Variants in BCAR3 observed in about 807,000 individuals in gnomAD.
The protein encoded by BCAR3 is BCAR3 adaptor protein, NSP family member, also known as breast cancer anti-estrogen resistance protein 3.
BCAR3 carries 37 observed loss-of-function variants against 80.1 expected under a neutral mutation model. The observed-to-expected ratio is 0.46, with a 90% CI of 0.36 to 0.61. The LOEUF (loss-of-function observed/expected upper bound fraction) is 0.61, where lower values mean the gene tolerates loss of function less well. Ranked by LOEUF, BCAR3 falls within the 20% of genes least tolerant of loss-of-function variation. The probability of loss-of-function intolerance (pLI) is 0.00; values close to 1 mark genes in which losing one functional copy is unlikely to be tolerated. For missense variants in BCAR3, 978 were observed against 1,068.2 expected, an observed-to-expected ratio of 0.92 and a Z score of 1.18; for synonymous variants, 389 against 418.9, an observed-to-expected ratio of 0.93 and a Z score of 0.87.
intron 2 of BCAR3, among the ~76,000 whole-genome samples, chr1:93,803,517 T>A (rs542258550): frequency 6.6e-6 from 1 of 151,960 alleles, no homozygotes; most frequent in African/African-American, 2.4e-5. Flanking sequence ...AAGAGAGAGG[T>A]CCAGATTCCA....
upstream of BCAR3, among the ~76,000 whole-genome samples, chr1:93,683,037 C>G (rs1301681716): frequency 6.6e-6 from 1 of 152,126 alleles, no homozygotes. Flanking sequence ...TGAAAAGACA[C>G]CACGAGTGAA....
At chr1:93,701,236 C>A (rs1476661860) in intron 3 of BCAR3, among the ~76,000 whole-genome samples, 1 of 152,208 alleles carries the variant, frequency 6.6e-6, no homozygotes, top group East Asian at 1.9e-4. Flanking sequence ...CGTGAGGTCC[C>A]CACTTGCCTT....
At chr1:93,786,509 C>T (rs556668142) in intron 2 of BCAR3, among the ~76,000 whole-genome samples, 2 of 152,294 alleles carry the variant, frequency 1.3e-5, no homozygotes, top group South Asian at 4.1e-4. Context: ...GCCTAAATTA[C>T]AGATTCATAA....
intron 2 of BCAR3, among the ~76,000 whole-genome samples, chr1:93,647,718 C>A (rs902798139): frequency 6.6e-6 from 1 of 152,046 alleles, no homozygotes; most frequent in African/African-American, 2.4e-5. Flanking sequence ...ATAAGGTAGC[C>A]CCAAACAATG....
At chr1:93,671,450 A>G (rs1413316327) in intron 2 of BCAR3, among the ~76,000 whole-genome samples, 3 of 152,204 alleles carry the variant, frequency 2.0e-5, no homozygotes, top group Non-Finnish European at 4.4e-5. Context: ...GCGGCCCACT[A>G]TCTTCATGCC....
At position 93,582,486 on chromosome 1, in the gene BCAR3, T is replaced by C; in HGVS notation, c.1501A>G (p.Lys501Glu). 1.2e-6 allele frequency: 2 copies of C among 1,614,162 alleles called. No individual in the cohort carries two copies. Among genetic ancestry groups the C allele is most frequent in the African/African-American group, 1.3e-5 (1 of 75,042 alleles). ...AGGAGGGGCGTCACAAACTCGCCCT[T>C]GTCCCACTGCCCCTTCTCCATCTGA... ...AAQMEKGQWD[K>E]GEFVTPLLET... Residue 501 changes from lysine (K) to glutamate (E), a missense_variant, in exon 7 of 12, where the codon AAG (lysine) becomes GAG (glutamate). By Grantham distance (56) the Lys-to-Glu change is moderately conservative. Transcript: ENST00000260502.
intron 2 of BCAR3, among the ~76,000 whole-genome samples, chr1:93,717,846 A>G (rs1216351031): frequency 1.3e-5 from 2 of 152,116 alleles, no homozygotes. Flanking sequence ...AAATTGCGTA[A>G]GAGTCTGAGA....
intron 2 of BCAR3, among the ~76,000 whole-genome samples, chr1:93,672,405 A>G (rs1266814748): frequency 1.3e-5 from 2 of 151,788 alleles, no homozygotes; most frequent in East Asian, 3.9e-4. Flanking sequence ...GAGTAAGTCT[A>G]TAAACTGTCT....
chr1:93,616,268 A>G (rs1325641061), intron 3 of BCAR3, among the ~76,000 whole-genome samples: 20 of 152,176 alleles, frequency 1.3e-4, no homozygotes, highest in Non-Finnish European at 2.8e-4. Context: ...TTTTATTTTT[A>G]TTTCACACCA....
At chr1:93,688,897 A>G (rs1446685697) in intron 3 of BCAR3, among the ~76,000 whole-genome samples, 1 of 152,100 alleles carries the variant, frequency 6.6e-6, no homozygotes, top group Non-Finnish European at 1.5e-5. Context: ...TTGGCCTCCC[A>G]AAGTGCTGGG....
chr1:93,722,973 C>A (rs1450025065), intron 2 of BCAR3, among the ~76,000 whole-genome samples: 2 of 152,106 alleles, frequency 1.3e-5, no homozygotes, highest in Admixed American at 6.5e-5. Flanking sequence ...GTAAAGGTCA[C>A]CGCCTGAAGA....
chr1:93,790,634 A>ATTCTTTTTT (rs1234204229), intron 2 of BCAR3, among the ~76,000 whole-genome samples: 4 of 107,424 alleles, frequency 3.7e-5, no homozygotes, highest in Admixed American at 9.7e-5. Flanking sequence ...TTTTGTATTC[A>ATTCTTTTTT]TTTTTTTTTT....
At chr1:93,706,562 A>G (rs1163462963) in intron 2 of BCAR3, among the ~76,000 whole-genome samples, 2 of 152,168 alleles carry the variant, frequency 1.3e-5, no homozygotes, top group African/African-American at 2.4e-5. Context: ...ATCTGGCCCC[A>G]TCACTTACAA....
chr1:93,650,538 C>A (rs1676289416), intron 2 of BCAR3, among the ~76,000 whole-genome samples: 1 of 152,184 alleles, frequency 6.6e-6, no homozygotes, highest in African/African-American at 2.4e-5. Context: ...GTGACCACAA[C>A]CTCTCTATGC....
intron 11 of BCAR3, among the ~76,000 whole-genome samples, chr1:93,563,569 T>C (rs913477702): frequency 6.6e-6 from 1 of 152,266 alleles, no homozygotes; most frequent in Admixed American, 6.5e-5. Flanking sequence ...ACAATCAGTA[T>C]ATGTTTACTT....
At chr1:93,624,521 C>G (rs1675402205) in intron 3 of BCAR3, among the ~76,000 whole-genome samples, 2 of 152,224 alleles carry the variant, frequency 1.3e-5, no homozygotes, top group African/African-American at 2.4e-5. Context: ...TAGCTCCAAC[C>G]CTGTCCTCCA....
At chr1:93,796,476 C>A (rs1038255343) in intron 2 of BCAR3, among the ~76,000 whole-genome samples, 5 of 148,862 alleles carry the variant, frequency 3.4e-5, no homozygotes, top group Non-Finnish European at 7.4e-5. Context: ...TGACCCCTTG[C>A]GCTTCCCAGG....
chr1:93,642,396 A>G, intron 2 of BCAR3, 53 bp from the exon 3 acceptor site: 6 of 1,499,820 alleles, frequency 4.0e-6, no homozygotes, highest in Non-Finnish European at 5.6e-6. Flanking sequence ...GCATTCTTAC[A>G]TTGAGTATAA....
At chr1:93,817,839 A>T (rs1654073856) in intron 2 of BCAR3, among the ~76,000 whole-genome samples, 1 of 151,462 alleles carries the variant, frequency 6.6e-6, no homozygotes, top group South Asian at 2.1e-4. Flanking sequence ...GCCCCACAGC[A>T]CTTTTTGCCA....
Sources: allele counts gnomAD v4.1 joint callset (sites outside exome capture counted in the v4.1 genomes callset), GRCh38; gene constraint gnomAD v4.1.1; transcripts MANE v1.5; gene names NCBI Gene and HGNC (gene_info 2026-07-23, HGNC 2026-07-21).